The following CHCHD3 variants were observed in gnomAD, a reference collection of about 807,000 sequenced individuals.
CHCHD3 encodes the protein MICOS complex subunit MIC19.
CHCHD3 carries 20 observed loss-of-function variants against 38.2 expected under a neutral mutation model. The ratio of observed to expected loss-of-function variants is 0.52; its 90% confidence interval spans 0.37 to 0.76. The LOEUF is 0.76. Among genes scored for constraint, CHCHD3 ranks in the 30% least tolerant of loss-of-function variants. The probability of loss-of-function intolerance (pLI) is 0.00; values close to 1 mark genes in which losing one functional copy is unlikely to be tolerated. For missense variants in CHCHD3, 245 were observed against 279.2 expected, an observed-to-expected ratio of 0.88 and a Z score of 0.87; for synonymous variants, 82 against 100.0, an observed-to-expected ratio of 0.82 and a Z score of 1.07.
At chr7:132,984,251 G>A (rs1812010830) in intron 3 of CHCHD3, among the ~76,000 whole-genome samples, 1 of 151,714 alleles carries the variant, frequency 6.6e-6, no homozygotes, top group African/African-American at 2.4e-5. Flanking sequence ...TTTTGGTGGA[G>A]ACGGGGTTTC....
intron 3 of CHCHD3, among the ~76,000 whole-genome samples, chr7:133,006,951 C>A (rs1002825752): frequency 6.6e-6 from 1 of 151,994 alleles, no homozygotes; most frequent in African/African-American, 2.4e-5. Flanking sequence ...CACTATAATA[C>A]CACTTGTTAT....
intron 6 of CHCHD3, among the ~76,000 whole-genome samples, chr7:132,802,793 C>T (rs998702899): frequency 3.9e-5 from 6 of 151,986 alleles, no homozygotes; most frequent in Non-Finnish European, 8.8e-5. Context: ...CTGGAAGGAC[C>T]CCAAATAAAC....
At chr7:132,934,159 AC>A in intron 4 of CHCHD3, among the ~76,000 whole-genome samples, 1 of 152,312 alleles carries the variant, frequency 6.6e-6, no homozygotes, top group South Asian at 2.1e-4. Context: ...CTAAGGATTC[AC>A]CTGGGGATCT....
chr7:132,919,449 T>C lies in CHCHD3; in HGVS notation c.370-33704A>G, dbSNP rs113113762. Among the ~76,000 whole-genome samples the C allele has an allele frequency of 2.2e-4, 34 of 152,276 alleles. 1 individual carries two copies. Among genetic ancestry groups the C allele is most frequent in the Non-Finnish European group, 4.4e-4 (30 of 68,016 alleles). ...TTCTTAGAAGACCCCACATAAATTGTCTGCCTTTCCTTGACCAAATAGTAA... is the reference window on the plus strand; with the variant it reads ...TTCTTAGAAGACCCCACATAAATTGCCTGCCTTTCCTTGACCAAATAGTAA... On this transcript the variant is annotated intron_variant, in intron 4 of 7. Transcript: ENST00000262570.
chr7:132,883,001 A>C (rs1809105906), intron 5 of CHCHD3, among the ~76,000 whole-genome samples: 1 of 151,646 alleles, frequency 6.6e-6, no homozygotes, highest in African/African-American at 2.4e-5. Flanking sequence ...GAGAGTTCTC[A>C]GATCTGATGG....
At chr7:132,987,990 C>T (rs1812167763) in intron 3 of CHCHD3, among the ~76,000 whole-genome samples, 1 of 152,096 alleles carries the variant, frequency 6.6e-6, no homozygotes. Flanking sequence ...CTCTAGCTTA[C>T]TTTATTGTAA....
chr7:133,020,501 TAAGACATTCAAG>T (rs1312066228), intron 3 of CHCHD3, among the ~76,000 whole-genome samples: 1 of 152,208 alleles, frequency 6.6e-6, no homozygotes, highest in African/African-American at 2.4e-5. Context: ...GAAGGTAAAG[TAAGACATTCAAG>T]AAGTCATTCC....
chr7:132,785,582 A>T lies in CHCHD3; in HGVS notation c.*55T>A, dbSNP rs910998936. ...TGGGTTGTTTTCTCACTAGGAAAAA[A>T]AATGTTCCATCTCTGGAATTAACGT... On this transcript the variant is annotated 3_prime_UTR_variant, in exon 8 of 8. Coordinates refer to ENST00000262570, the MANE Select transcript of CHCHD3 (RefSeq NM_017812.4). 4 of 1,591,910 alleles carry T rather than the reference A, an allele frequency of 2.5e-6. No individual in the cohort carries two copies. The highest frequency in any genetic ancestry group is 1.3e-5 in the African/African-American group (1 of 74,412).
intron 5 of CHCHD3, among the ~76,000 whole-genome samples, chr7:132,851,932 A>AAT (rs1808229420): frequency 6.6e-6 from 1 of 152,186 alleles, no homozygotes; most frequent in Admixed American, 6.5e-5. Flanking sequence ...GGAACTCTAT[A>AAT]AAACTAACAA....
At chr7:132,869,644 C>A (rs563304693) in intron 5 of CHCHD3, among the ~76,000 whole-genome samples, 3 of 152,100 alleles carry the variant, frequency 2.0e-5, no homozygotes, top group South Asian at 2.1e-4. Context: ...TGGAGTGCAG[C>A]GACATAATGG....
At chr7:132,890,575 C>T (rs2117183409) in intron 4 of CHCHD3, among the ~76,000 whole-genome samples, 1 of 152,228 alleles carries the variant, frequency 6.6e-6, no homozygotes, top group African/African-American at 2.4e-5. Context: ...CATTTTAAGG[C>T]AAGGTTCTGT....
intron 4 of CHCHD3, among the ~76,000 whole-genome samples, chr7:132,959,206 C>T (rs1234281312): frequency 6.6e-6 from 1 of 152,164 alleles, no homozygotes; most frequent in Admixed American, 6.5e-5. Context: ...GCTCTAACTC[C>T]CAAATGAGGC....
At chr7:132,797,203 C>G (rs1757616904) in intron 6 of CHCHD3, among the ~76,000 whole-genome samples, 1 of 151,956 alleles carries the variant, frequency 6.6e-6, no homozygotes, top group Non-Finnish European at 1.5e-5. Flanking sequence ...CAACCCTGCA[C>G]ACAGCTGAAG....
chr7:132,845,704 A>G (rs1366643427), intron 5 of CHCHD3, among the ~76,000 whole-genome samples: 2 of 152,170 alleles, frequency 1.3e-5, no homozygotes, highest in Non-Finnish European at 2.9e-5. Flanking sequence ...ATGATTCTCA[A>G]ACTGATTTGC....
chr7:133,053,426 T>C (rs1814226008), intron 2 of CHCHD3, among the ~76,000 whole-genome samples: 1 of 152,184 alleles, frequency 6.6e-6, no homozygotes, highest in Non-Finnish European at 1.5e-5. Flanking sequence ...CTCAAATTTA[T>C]ACTTGGAAAG....
intron 4 of CHCHD3, among the ~76,000 whole-genome samples, chr7:132,964,285 G>A (rs952225842): frequency 6.6e-6 from 1 of 152,086 alleles, no homozygotes; most frequent in African/African-American, 2.4e-5. Context: ...CTTTATGTTA[G>A]ACATAAAAAA....
At chr7:132,878,011 G>T (rs373698413) in intron 5 of CHCHD3, among the ~76,000 whole-genome samples, 10 of 151,716 alleles carry the variant, frequency 6.6e-5, no homozygotes, top group South Asian at 2.1e-4. Flanking sequence ...TCGCAGGGGG[G>T]AATATCAAAC....
chr7:132,998,036 T>C (rs1411216501), intron 3 of CHCHD3, among the ~76,000 whole-genome samples: 1 of 152,362 alleles, frequency 6.6e-6, no homozygotes. Flanking sequence ...ACACAGAAGA[T>C]GAATATTCAT....
At chr7:132,849,887 A>T (rs1419435752) in intron 5 of CHCHD3, among the ~76,000 whole-genome samples, 1 of 152,206 alleles carries the variant, frequency 6.6e-6, no homozygotes, top group Non-Finnish European at 1.5e-5. Flanking sequence ...GCAATGGAAT[A>T]ATAGGTGTCT....
Sources: allele counts gnomAD v4.1 joint callset (sites outside exome capture counted in the v4.1 genomes callset), GRCh38; gene constraint gnomAD v4.1.1; transcripts MANE v1.5; gene names NCBI Gene and HGNC (gene_info 2026-07-23, HGNC 2026-07-21).